Variants in TAFA1 observed in about 807,000 individuals in gnomAD.
TAFA1 encodes chemokine-like protein TAFA-1.
In TAFA1, 4 loss-of-function variants were observed where a neutral mutation model predicts 18.5. The observed-to-expected ratio is 0.22, with a 90% confidence interval of 0.11 to 0.49. The LOEUF is 0.49. Ranked by LOEUF, TAFA1 falls within the 20% of genes least tolerant of loss-of-function variation. TAFA1 has a pLI of 0.98. For missense variants in TAFA1, 147 were observed against 169.0 expected (o/e 0.87, Z 0.72); for synonymous variants, 56 against 55.2 (o/e 1.01, Z -0.06).
chr3:68,199,333 G>A (rs947726068), intron 2 of TAFA1, among the ~76,000 whole-genome samples: 2 of 151,346 alleles, frequency 1.3e-5, no homozygotes, highest in African/African-American at 4.8e-5. Context: ...ATGTCGTGTT[G>A]GCTATTCTGA....
chr3:68,514,268 G>A (rs1305521022), intron 3 of TAFA1, among the ~76,000 whole-genome samples: 1 of 152,102 alleles, frequency 6.6e-6, no homozygotes, highest in Non-Finnish European at 1.5e-5. Flanking sequence ...TGAACTGAGA[G>A]CCCTTCTATA....
chr3:68,472,590 A>G lies in TAFA1; in HGVS notation c.259+55170A>G, dbSNP rs996803457. On this transcript the variant is annotated intron_variant, in intron 3 of 4. Coordinates refer to ENST00000478136, the MANE Select transcript of TAFA1 (RefSeq NM_213609.4). ...AGATAAGTAGATTGTATCATTATCT[A>G]TATATCTATAGATATATATCTATAT... Among the ~76,000 whole-genome samples the G allele has an allele frequency of 2.0e-5, 3 of 152,108 alleles. No individual in the cohort carries two copies. In the South Asian group the frequency reaches 6.2e-4, roughly 32 times the overall value.
chr3:68,346,775 A>G (rs2106764993), intron 2 of TAFA1, among the ~76,000 whole-genome samples: 1 of 152,302 alleles, frequency 6.6e-6, no homozygotes, highest in Non-Finnish European at 1.5e-5. Flanking sequence ...GTTGTTCCAT[A>G]TTCTTCAATA....
At chr3:68,096,848 T>C (rs1477337472) in intron 2 of TAFA1, among the ~76,000 whole-genome samples, 1 of 152,104 alleles carries the variant, frequency 6.6e-6, no homozygotes, top group Non-Finnish European at 1.5e-5. Context: ...AGCTTAGAAG[T>C]GAGAGTTTGG....
chr3:68,472,364 G>T (rs553299207), intron 3 of TAFA1, among the ~76,000 whole-genome samples: 58 of 152,218 alleles, frequency 3.8e-4, no homozygotes, highest in African/African-American at 1.4e-3. Context: ...CAGCCATGTG[G>T]AACTGTGAGT....
chr3:68,007,215 C>T (rs559038651), intron 2 of TAFA1, among the ~76,000 whole-genome samples: 1 of 152,172 alleles, frequency 6.6e-6, no homozygotes, highest in African/African-American at 2.4e-5. Flanking sequence ...TTTAATGTGC[C>T]TTCTTTCCTT....
In TAFA1 at chr3:68,052,277, G is replaced by T. The variant is rs542354089; in HGVS notation, c.118+45533G>T. ...CAACTTGACAGATGAATTTGCTAGA[G>T]AATTTTTATTAAACAATGGCCCTAA... On this transcript the variant is annotated intron_variant, in intron 2 of 4. Coordinates refer to ENST00000478136, the MANE Select transcript of TAFA1 (RefSeq NM_213609.4). Among the ~76,000 whole-genome samples, 52 of 152,170 alleles carry T rather than the reference G, an allele frequency of 3.4e-4. No individual in the cohort carries two copies. The South Asian group carries it at 3.9e-3, about 12-fold the overall frequency.
chr3:68,342,214 T>C (rs963357603), intron 2 of TAFA1, among the ~76,000 whole-genome samples: 5 of 152,158 alleles, frequency 3.3e-5, no homozygotes, highest in African/African-American at 9.7e-5. Context: ...CCATAATGTA[T>C]CAGCCCCATG....
chr3:68,197,660 C>A (rs2066427567), intron 2 of TAFA1, among the ~76,000 whole-genome samples: 1 of 151,306 alleles, frequency 6.6e-6, no homozygotes, highest in South Asian at 2.1e-4. Flanking sequence ...CAGAAATGTA[C>A]AATCGAGCAA....
At chr3:68,154,546 C>T (rs2065843735) in intron 2 of TAFA1, among the ~76,000 whole-genome samples, 1 of 152,184 alleles carries the variant, frequency 6.6e-6, no homozygotes, top group Non-Finnish European at 1.5e-5. Flanking sequence ...TCCTCATGTT[C>T]CAAACCCCTG....
At chr3:68,418,590 C>T (rs62245815) in intron 3 of TAFA1, among the ~76,000 whole-genome samples, 39,681 of 150,500 alleles carry the variant, frequency 0.26, 5,478 homozygotes, top group Admixed American at 0.31. Flanking sequence ...TGGGTGTGTA[C>T]GTGCAAGTCA....
chr3:68,363,401 A>C (rs906269691), intron 2 of TAFA1, among the ~76,000 whole-genome samples: 12 of 152,166 alleles, frequency 7.9e-5, no homozygotes, highest in African/African-American at 2.4e-4. Context: ...TATTTTATTT[A>C]GTCTTTGGAG....
At chr3:68,066,295 C>G (rs1216425345) in intron 2 of TAFA1, among the ~76,000 whole-genome samples, 1 of 151,998 alleles carries the variant, frequency 6.6e-6, no homozygotes, top group African/African-American at 2.4e-5. Flanking sequence ...AGTATTAGTT[C>G]CATGAGAGCA....
At chr3:68,169,943 C>A (rs1423482438) in intron 2 of TAFA1, among the ~76,000 whole-genome samples, 1 of 152,030 alleles carries the variant, frequency 6.6e-6, no homozygotes, top group Non-Finnish European at 1.5e-5. Flanking sequence ...TTCAAGAAAC[C>A]CTTGCAGAAT....
At position 68,243,296 on chromosome 3, in the gene TAFA1, T is replaced by C. The variant is rs1053974711; in HGVS notation, c.119-173984T>C. The stretch of plus-strand genomic sequence containing the variant: ...CCAGGAAACTGACATTGGTAAAATC[T>C]ACAGAGCTTTTACAGTTTTTACCAG... On this transcript the variant is annotated intron_variant, in intron 2 of 4. Transcript: ENST00000478136. Among the ~76,000 whole-genome samples, 16 of 152,152 alleles carry C rather than the reference T, an allele frequency of 1.1e-4. 1 individual carries two copies. The highest frequency in any genetic ancestry group is 5.2e-4 in the Admixed American group (8 of 15,268).
At chr3:68,250,253 T>C (rs1488033564) in intron 2 of TAFA1, among the ~76,000 whole-genome samples, 1 of 152,182 alleles carries the variant, frequency 6.6e-6, no homozygotes, top group East Asian at 1.9e-4. Context: ...TAGTATACCC[T>C]GCAGAGGTAC....
intron 2 of TAFA1, among the ~76,000 whole-genome samples, chr3:68,141,224 C>T (rs772881943): frequency 6.6e-5 from 10 of 152,112 alleles, no homozygotes; most frequent in Non-Finnish European, 8.8e-5. Flanking sequence ...CAAACTGCTG[C>T]ACAAGAAATA....
rs527424815 is a variant in TAFA1, at chr3:68,169,580, G to A, written c.118+162836G>A. On this transcript the variant is annotated intron_variant, in intron 2 of 4. Transcript: ENST00000478136. Reference sequence around the variant, plus strand: ...ATTGCTTTAAGCTCATAAGTCTTAAGGAAGTTCATTACTCTGCAATAAATA... The same window carrying A: ...ATTGCTTTAAGCTCATAAGTCTTAAAGAAGTTCATTACTCTGCAATAAATA... Among the ~76,000 whole-genome samples, 68 of 152,274 alleles carry A rather than the reference G, an allele frequency of 4.5e-4. 1 individual carries two copies. Among genetic ancestry groups the A allele is most frequent in the Non-Finnish European group, 6.6e-4 (45 of 68,024 alleles).
chr3:68,521,191 C>T (rs2106750973), intron 3 of TAFA1, among the ~76,000 whole-genome samples: 1 of 152,320 alleles, frequency 6.6e-6, no homozygotes, highest in South Asian at 2.1e-4. Context: ...CCAGCAGTGA[C>T]TTTGTCTTTT....
Sources: allele counts gnomAD v4.1 joint callset (sites outside exome capture counted in the v4.1 genomes callset), GRCh38; gene constraint gnomAD v4.1.1; transcripts MANE v1.5; gene names NCBI Gene and HGNC (gene_info 2026-07-23, HGNC 2026-07-21).